Variants in KIF26B observed in about 807,000 individuals in gnomAD.
The protein encoded by KIF26B is kinesin family member 26B.
Under a neutral mutation model 151.2 loss-of-function variants are expected in KIF26B, and 63 were observed. That is an observed-to-expected ratio of 0.42 (90% CI 0.34 to 0.51). KIF26B has a LOEUF of 0.51. KIF26B is among the 20% of genes least tolerant of loss of function. The pLI, the probability that KIF26B is intolerant of heterozygous loss-of-function variation, is 0.07. For missense variants in KIF26B, 2,813 were observed against 2,913.6 expected (o/e 0.97, Z 0.79); for synonymous variants, 1,357 against 1,262.1 (o/e 1.08, Z -1.59).
Position 245,195,912 on chromosome 1 carries a change from A to C in KIF26B, c.465+39229A>C, listed in dbSNP as rs554879466. Among the ~76,000 whole-genome samples, 32 of 152,326 alleles carry C rather than the reference A, an allele frequency of 2.1e-4. 1 individual carries two copies. In the South Asian group the frequency reaches 6.6e-3, roughly 32 times the overall value. ...AAAGAGTAGCCTTGAGAAAAGCTCTAATAGATGGGTAAGATTTTGATGGGA... is the reference window on the plus strand; with the variant it reads ...AAAGAGTAGCCTTGAGAAAAGCTCTCATAGATGGGTAAGATTTTGATGGGA... On this transcript the variant is annotated intron_variant, in intron 2 of 14. Coordinates refer to ENST00000407071, the MANE Select transcript of KIF26B (RefSeq NM_018012.4).
chr1:245,309,965 T>C (rs1211835026), intron 2 of KIF26B, among the ~76,000 whole-genome samples: 1 of 147,368 alleles, frequency 6.8e-6, no homozygotes, highest in Non-Finnish European at 1.5e-5. Context: ...TATATCCTAT[T>C]AGTCCTGTTT....
intron 4 of KIF26B, among the ~76,000 whole-genome samples, chr1:245,465,654 G>A (rs1482369593): frequency 6.6e-6 from 1 of 152,230 alleles, no homozygotes; most frequent in Non-Finnish European, 1.5e-5. Flanking sequence ...CTGGCAGAAA[G>A]CGGATGGCGC....
chr1:245,663,498 G>A (rs2044180318), intron 10 of KIF26B, among the ~76,000 whole-genome samples: 1 of 151,638 alleles, frequency 6.6e-6, no homozygotes, highest in Non-Finnish European at 1.5e-5. Context: ...TTGCATCTGT[G>A]GTTTCTGCTG....
chr1:245,164,962 A>T (rs1458976796), intron 2 of KIF26B, among the ~76,000 whole-genome samples: 1 of 152,028 alleles, frequency 6.6e-6, no homozygotes, highest in African/African-American at 2.4e-5. Context: ...AATCTCAGCT[A>T]CTCGGGGCTG....
At chr1:245,582,430 G>A (rs1013546025) in intron 5 of KIF26B, among the ~76,000 whole-genome samples, 4 of 151,778 alleles carry the variant, frequency 2.6e-5, no homozygotes, top group African/African-American at 9.7e-5. Flanking sequence ...AGTTTTAAAA[G>A]TCTCTTAATA....
In KIF26B at chr1:245,416,212, G is replaced by A. The variant is rs573166628; in HGVS notation, c.1000-3367G>A. On this transcript the variant is annotated intron_variant, in intron 3 of 14. Coordinates refer to ENST00000407071, the MANE Select transcript of KIF26B (RefSeq NM_018012.4). Reference sequence around the variant, plus strand: ...GGAGAATCTCTTGAACCCGGAAGGCGGAGGTTGCAGTGAGCTGAGATCACG... The same window carrying A: ...GGAGAATCTCTTGAACCCGGAAGGCAGAGGTTGCAGTGAGCTGAGATCACG... 5.4e-5 allele frequency among the ~76,000 whole-genome samples: 8 copies of A among 147,166 alleles called. 1 individual carries two copies. The highest frequency in any genetic ancestry group is 1.5e-4 in the African/African-American group (6 of 39,208).
chr1:245,323,504 A>G (rs1407430452), intron 2 of KIF26B, among the ~76,000 whole-genome samples: 1 of 152,234 alleles, frequency 6.6e-6, no homozygotes, highest in African/African-American at 2.4e-5. Flanking sequence ...TAAGAAGATC[A>G]GCCTTTTGAG....
chr1:245,316,111 A>T (rs1671768730), intron 2 of KIF26B, among the ~76,000 whole-genome samples: 1 of 151,530 alleles, frequency 6.6e-6, no homozygotes, highest in African/African-American at 2.4e-5. Flanking sequence ...GCTGAGACTG[A>T]GTCATGTTTT....
chr1:245,296,547 G>A (rs920426901), intron 2 of KIF26B, among the ~76,000 whole-genome samples: 5 of 152,198 alleles, frequency 3.3e-5, no homozygotes, highest in African/African-American at 9.7e-5. Flanking sequence ...GGTGGGGGAC[G>A]TGCAGCCAAA....
chr1:245,574,287 G>A (rs913979638), intron 5 of KIF26B, among the ~76,000 whole-genome samples: 2 of 152,146 alleles, frequency 1.3e-5, no homozygotes, highest in African/African-American at 4.8e-5. Flanking sequence ...GGGATTACAG[G>A]CATGTGCCAC....
intron 2 of KIF26B, among the ~76,000 whole-genome samples, chr1:245,195,774 A>G (rs1002491611): frequency 8.5e-5 from 13 of 152,206 alleles, no homozygotes; most frequent in African/African-American, 2.9e-4. Context: ...GAAAAATAAG[A>G]TAGAAAGTAA....
intron 5 of KIF26B, among the ~76,000 whole-genome samples, chr1:245,585,699 T>C (rs1040939034): frequency 6.6e-6 from 1 of 152,242 alleles, no homozygotes; most frequent in Non-Finnish European, 1.5e-5. Flanking sequence ...TCTGATTCTT[T>C]CCATGAATTC....
chr1:245,489,457 G>A (rs1660351931), intron 4 of KIF26B, among the ~76,000 whole-genome samples: 1 of 152,208 alleles, frequency 6.6e-6, no homozygotes, highest in African/African-American at 2.4e-5. Flanking sequence ...AGAGGCGTCA[G>A]CCACACAAGA....
intron 4 of KIF26B, among the ~76,000 whole-genome samples, chr1:245,518,012 C>T (rs1283491390): frequency 6.6e-6 from 1 of 151,914 alleles, no homozygotes; most frequent in East Asian, 1.9e-4. Context: ...GCTGGGATTA[C>T]AGACGCCTGC....
At chr1:245,330,928 C>T (rs923586852) in intron 2 of KIF26B, among the ~76,000 whole-genome samples, 4 of 151,796 alleles carry the variant, frequency 2.6e-5, no homozygotes, top group South Asian at 2.1e-4. Context: ...CAATGAGGTG[C>T]GGGAAGTCCC....
chr1:245,210,345 A>G (rs1451467438), intron 2 of KIF26B, among the ~76,000 whole-genome samples: 1 of 152,086 alleles, frequency 6.6e-6, no homozygotes, highest in Non-Finnish European at 1.5e-5. Flanking sequence ...GCACAGGCCC[A>G]CTCTGCAGTG....
chr1:245,517,193 A>G (rs2103087541), intron 4 of KIF26B, among the ~76,000 whole-genome samples: 1 of 152,306 alleles, frequency 6.6e-6, no homozygotes, highest in East Asian at 1.9e-4. Context: ...CCCTACCTCT[A>G]CTAAAATACA....
chr1:245,301,216 C>T (rs756355396), intron 2 of KIF26B, among the ~76,000 whole-genome samples: 6 of 152,200 alleles, frequency 3.9e-5, no homozygotes, highest in Middle Eastern at 3.2e-3. Context: ...TTTCTTCTCC[C>T]GCCTTCCTGC....
In KIF26B at chr1:245,166,246, A is replaced by ACCCTCCTTCCTT. The variant is rs953485192; in HGVS notation, c.465+9581_465+9592dup. 1.3e-5 allele frequency among the ~76,000 whole-genome samples: 2 copies of ACCCTCCTTCCTT among 151,950 alleles called. No individual in the cohort carries two copies. Among genetic ancestry groups the ACCCTCCTTCCTT allele is most frequent in the African/African-American group, 2.4e-5 (1 of 41,342 alleles). ...AAGTTGAATTTTATATAAGATTCCT[A>ACCCTCCTTCCTT]CCCTCCTTCCTTCCCTCCTTCCTTC... On this transcript the variant is annotated intron_variant, in intron 2 of 14. Transcript: ENST00000407071. This position sits in a 1 kb window ranked among gnomAD's most constrained non-coding sequence, Gnocchi z 4.5.
Sources: gnomAD v4.1 joint callset for allele counts (sites outside exome capture counted in the v4.1 genomes callset) on GRCh38, gnomAD v4.1.1 for gene constraint, Gnocchi (gnomAD v3.1) non-coding constraint, MANE v1.5 for transcripts, NCBI Gene and HGNC (gene_info 2026-07-23, HGNC 2026-07-21) for gene names.